Variants in GRIA4 observed in about 807,000 individuals in gnomAD.
GRIA4 encodes glutamate receptor 4.
Under a neutral mutation model 104.0 loss-of-function variants are expected in GRIA4, and 34 were observed. The observed-to-expected ratio is 0.33, with a 90% confidence interval of 0.25 to 0.44. GRIA4 has a LOEUF of 0.44. Ranked by LOEUF, GRIA4 falls within the 20% of genes least tolerant of loss-of-function variation. The pLI is 1.00. For missense variants in GRIA4, 750 were observed against 1,096.5 expected, an observed-to-expected ratio of 0.68 and a Z score of 4.46; for synonymous variants, 386 against 381.9, an observed-to-expected ratio of 1.01 and a Z score of -0.13.
Position 105,896,220 on chromosome 11 carries a change from T to C in GRIA4, c.727-2049T>C, listed in dbSNP as rs142633594. ...TTCACATGTTTGCTGGCTGTTTGTA[T>C]GTTGTCTTTTGGGAAGTATCTGTTC... On this transcript the variant is annotated intron_variant, in intron 6 of 16. Coordinates refer to ENST00000282499, the MANE Select transcript of GRIA4 (RefSeq NM_000829.4). 1.1e-3 allele frequency among the ~76,000 whole-genome samples: 160 copies of C among 152,332 alleles called. 1 individual carries two copies. The highest frequency in any genetic ancestry group is 3.2e-3 in the African/African-American group (132 of 41,580).
At chr11:105,655,080 TC>T (rs1951801836) in intron 3 of GRIA4, among the ~76,000 whole-genome samples, 1 of 152,166 alleles carries the variant, frequency 6.6e-6, no homozygotes. Flanking sequence ...TAAGGCAATA[TC>T]CACATAACAT....
intron 3 of GRIA4, among the ~76,000 whole-genome samples, chr11:105,638,551 G>A (rs1951272848): frequency 6.6e-6 from 1 of 151,946 alleles, no homozygotes; most frequent in Non-Finnish European, 1.5e-5. Flanking sequence ...GTGTGTGTGT[G>A]TGTGTGTGTG....
intron 14 of GRIA4, among the ~76,000 whole-genome samples, chr11:105,956,894 C>T (rs1435836244): frequency 6.6e-6 from 1 of 152,202 alleles, no homozygotes; most frequent in African/African-American, 2.4e-5. Context: ...CTTTTGGCTA[C>T]ATAAATGTCT....
chr11:105,748,110 T>C (rs1199150266), intron 3 of GRIA4, among the ~76,000 whole-genome samples: 6 of 152,224 alleles, frequency 3.9e-5, no homozygotes, highest in Non-Finnish European at 7.3e-5. Flanking sequence ...CTCATGATTT[T>C]ACATTTGGGG....
intron 14 of GRIA4, 132 bp from the exon 15 acceptor site, chr11:105,971,782 G>A (rs965696798): frequency 7.7e-6 from 4 of 516,582 alleles, no homozygotes; most frequent in Non-Finnish European, 1.4e-5. Flanking sequence ...TCTAAACCTG[G>A]GCCTACAGTA....
In GRIA4 at chr11:105,893,519, T is replaced by C. The variant is rs542937336; in HGVS notation, c.727-4750T>C. 4.6e-5 allele frequency among the ~76,000 whole-genome samples: 7 copies of C among 152,304 alleles called. No homozygotes were observed. In the South Asian group the frequency reaches 8.3e-4, roughly 18 times the overall value. The stretch of plus-strand genomic sequence containing the variant: ...AATTAACTGAGCCACCCACTATTCA[T>C]TGAAATCATAACTGACAATGGTTTA... On this transcript the variant is annotated intron_variant, in intron 6 of 16. Transcript: ENST00000282499.
At chr11:105,621,864 T>A (rs1950755441) in intron 3 of GRIA4, among the ~76,000 whole-genome samples, 1 of 151,886 alleles carries the variant, frequency 6.6e-6, no homozygotes, top group Admixed American at 6.6e-5. Context: ...GTGACGATTA[T>A]CAGTTTTTTG....
chr11:105,668,453 A>G (rs1216768400), intron 3 of GRIA4, among the ~76,000 whole-genome samples: 1 of 151,202 alleles, frequency 6.6e-6, no homozygotes, highest in African/African-American at 2.4e-5. Context: ...ATACTACAAT[A>G]AACATGGAAG....
chr11:105,612,137 G>C (rs1950497578), intron 2 of GRIA4, 139 bp from the exon 3 acceptor site: 3 of 712,104 alleles, frequency 4.2e-6, no homozygotes, highest in African/African-American at 1.8e-5. Flanking sequence ...AGGGACAAAG[G>C]GCAGTCTCCC....
intron 16 of GRIA4, among the ~76,000 whole-genome samples, chr11:105,977,400 T>C (rs1417389026): frequency 6.6e-6 from 1 of 151,988 alleles, no homozygotes; most frequent in East Asian, 1.9e-4. Context: ...AGATTTAAGA[T>C]GGGCTAATAC....
At position 105,753,032 on chromosome 11, in the gene GRIA4, A is replaced by C. The variant is rs1449262163; in HGVS notation, c.299A>C (p.Lys100Thr). The C allele has an allele frequency of 6.2e-7, 1 of 1,612,822 alleles. No individual in the cohort carries two copies. The highest frequency in any genetic ancestry group is 1.1e-5 in the South Asian group (1 of 91,050). The change falls in exon 4 of 17, where the codon AAG becomes ACG. Residue 100 changes from lysine (K) to threonine (T), a missense_variant. Physicochemically the swap from Lys to Thr is moderately conservative, Grantham distance 78. Coordinates refer to ENST00000282499, the MANE Select transcript of GRIA4 (RefSeq NM_000829.4). ...TTTGCCATTTTTGGACTCTATGATA[A>C]GAGGTCGGTACATACCTTGACCTCA... Reference protein sequence around the residue: ...GVFAIFGLYDKRSVHTLTSFC... With the variant: ...GVFAIFGLYDTRSVHTLTSFC...
chr11:105,866,059 T>C (rs1227459522), intron 5 of GRIA4, among the ~76,000 whole-genome samples: 1 of 152,212 alleles, frequency 6.6e-6, no homozygotes, highest in Non-Finnish European at 1.5e-5. Context: ...ACATTATATC[T>C]CCCAAATTAT....
chr11:105,623,053 GTATATATATATATATATATATATA>G lies in GRIA4; in HGVS notation c.247+10634_247+10657del, dbSNP rs58596312. Among the ~76,000 whole-genome samples the G allele has an allele frequency of 3.6e-4, 46 of 127,744 alleles. 1 individual carries two copies. The East Asian group carries it at 8.6e-3, about 24-fold the overall frequency. The allele number at this position is 127,744 out of a possible 152,430, so 83.8% of individuals were successfully genotyped here. ...TTTTATGGCCAAGTAGTATTCCATT[GTATATATATATATATATATATATA>G]TATATATATATATACCATATTTTCC... On this transcript the variant is annotated intron_variant, in intron 3 of 16. Coordinates refer to ENST00000282499, the MANE Select transcript of GRIA4 (RefSeq NM_000829.4).
chr11:105,808,191 C>T (rs569496005), intron 4 of GRIA4, among the ~76,000 whole-genome samples: 1 of 151,812 alleles, frequency 6.6e-6, no homozygotes, highest in Non-Finnish European at 1.5e-5. Context: ...ATTTGTTGAT[C>T]TTTGTTTTGG....
At chr11:105,642,535 A>T (rs9667046) in intron 3 of GRIA4, among the ~76,000 whole-genome samples, 32,980 of 94,302 alleles carry the variant, frequency 0.35, 5,156 homozygotes, top group South Asian at 0.45. Context: ...CTCAATTTTA[A>T]TGAAAAAAAA....
intron 14 of GRIA4, among the ~76,000 whole-genome samples, chr11:105,945,914 T>A (rs1443463547): frequency 6.6e-6 from 1 of 152,158 alleles, no homozygotes; most frequent in South Asian, 2.1e-4. Flanking sequence ...CAAAGCATTT[T>A]TATACAGAAA....
chr11:105,800,833 T>TTAACAAGG (rs1942689794), intron 4 of GRIA4, among the ~76,000 whole-genome samples: 1 of 151,928 alleles, frequency 6.6e-6, no homozygotes, highest in Admixed American at 6.6e-5. Context: ...AATAAATAAA[T>TTAACAAGG]TAACAAGGTT....
rs56222983 is a variant in GRIA4 at position 105,783,744 on chromosome 11, TTGTGTGTGTG to T, written c.487+30558_487+30567del. On this transcript the variant is annotated intron_variant, in intron 4 of 16. Transcript: ENST00000282499. Reference sequence around the variant, plus strand: ...AGATAAAACAGATTCTGGATGTTATTTGTGTGTGTGTGTGTGTGTGTGTGTGTGTGTGTGT... The same window carrying T: ...AGATAAAACAGATTCTGGATGTTATTTGTGTGTGTGTGTGTGTGTGTGTGT... Among the ~76,000 whole-genome samples the T allele has an allele frequency of 8.0e-3, 1,167 of 145,260 alleles. 8 individuals are homozygous for T. The highest frequency in any genetic ancestry group is 0.015 in the South Asian group (68 of 4,494).
chr11:105,965,089 G>A (rs1011502832), intron 14 of GRIA4, among the ~76,000 whole-genome samples: 19 of 151,954 alleles, frequency 1.3e-4, no homozygotes, highest in Admixed American at 8.5e-4. Flanking sequence ...TTACAGGCGT[G>A]AGCCACCGCA....
Sources: allele counts gnomAD v4.1 joint callset (sites outside exome capture counted in the v4.1 genomes callset), GRCh38; gene constraint gnomAD v4.1.1; transcripts MANE v1.5; gene names NCBI Gene and HGNC (gene_info 2026-07-23, HGNC 2026-07-21).